The following ROBO2 variants were observed in gnomAD, a reference collection of about 807,000 sequenced individuals.
The protein encoded by ROBO2 is roundabout homolog 2.
ROBO2 carries 53 observed loss-of-function variants against 160.8 expected under a neutral mutation model. That is an observed-to-expected ratio of 0.33 (90% confidence interval 0.26 to 0.41). The LOEUF is 0.41. ROBO2 is among the 10% of genes least tolerant of loss of function. The pLI is 1.00. For synonymous variants in ROBO2, 664 were observed against 611.7 expected (o/e 1.09, Z -1.26); for missense variants, 1,577 against 1,722.4 (o/e 0.92, Z 1.49).
chr3:76,281,539 C>A (rs951383178), intron 2 of ROBO2, among the ~76,000 whole-genome samples: 1 of 151,776 alleles, frequency 6.6e-6, no homozygotes, highest in Non-Finnish European at 1.5e-5. Context: ...TTTCCTACCA[C>A]TATAGCCAGG....
At chr3:76,020,141 A>T (rs147012655) in intron 2 of ROBO2, among the ~76,000 whole-genome samples, 1 of 151,940 alleles carries the variant, frequency 6.6e-6, no homozygotes, top group Non-Finnish European at 1.5e-5. Context: ...TTTCCATTCT[A>T]TATGATGCTT....
intron 2 of ROBO2, among the ~76,000 whole-genome samples, chr3:77,369,517 T>G (rs1347189183): frequency 6.6e-6 from 1 of 152,188 alleles, no homozygotes; most frequent in Non-Finnish European, 1.5e-5. Flanking sequence ...AGGCCATAAC[T>G]GAGCACTTCT....
chr3:76,005,717 T>C (rs1253012383), intron 2 of ROBO2, among the ~76,000 whole-genome samples: 1 of 152,138 alleles, frequency 6.6e-6, no homozygotes, highest in Non-Finnish European at 1.5e-5. Flanking sequence ...GATCAATACT[T>C]GAACAATATA....
At chr3:76,655,681 G>T (rs567484129) in intron 2 of ROBO2, among the ~76,000 whole-genome samples, 2 of 148,402 alleles carry the variant, frequency 1.3e-5, no homozygotes, top group South Asian at 4.4e-4. Context: ...AAGAAAGAGA[G>T]GGGCAGGTAG....
At chr3:76,106,112 G>T (rs1366152514) in intron 2 of ROBO2, among the ~76,000 whole-genome samples, 3 of 152,046 alleles carry the variant, frequency 2.0e-5, no homozygotes, top group Admixed American at 2.0e-4. Flanking sequence ...TGAACTAAGT[G>T]GGCCCTGTTT....
chr3:76,118,096 A>C (rs2070555238), intron 2 of ROBO2, among the ~76,000 whole-genome samples: 4 of 152,146 alleles, frequency 2.6e-5, no homozygotes, highest in Admixed American at 2.6e-4. Context: ...ATACATATGT[A>C]ACAAACCTGC....
chr3:76,343,836 G>T (rs1000469323), intron 2 of ROBO2, among the ~76,000 whole-genome samples: 1 of 151,950 alleles, frequency 6.6e-6, no homozygotes, highest in Non-Finnish European at 1.5e-5. Context: ...AAAGATATTT[G>T]GTGAGGATTT....
intron 1 of ROBO2, among the ~76,000 whole-genome samples, chr3:77,084,697 G>A (rs951893819): frequency 2.6e-5 from 4 of 152,086 alleles, no homozygotes; most frequent in Admixed American, 1.3e-4. Context: ...AAGTAAATGG[G>A]CTGAGTGGAA....
chr3:76,585,525 A>C (rs1456667495), intron 2 of ROBO2, among the ~76,000 whole-genome samples: 2 of 152,166 alleles, frequency 1.3e-5, no homozygotes, highest in Non-Finnish European at 2.9e-5. Context: ...ATGGGGTTGA[A>C]TTTGTATTTC....
At chr3:77,194,682 A>G (rs930984672) in intron 2 of ROBO2, among the ~76,000 whole-genome samples, 1 of 152,168 alleles carries the variant, frequency 6.6e-6, no homozygotes, top group African/African-American at 2.4e-5. Flanking sequence ...GTGTTAGGTT[A>G]ACTGTGATTA....
intron 2 of ROBO2, among the ~76,000 whole-genome samples, chr3:76,600,264 C>A (rs1277703133): frequency 6.6e-6 from 1 of 152,294 alleles, no homozygotes; most frequent in Non-Finnish European, 1.5e-5. Flanking sequence ...CTGCATATGG[C>A]TAGCCAGTTA....
intron 2 of ROBO2, among the ~76,000 whole-genome samples, chr3:76,082,019 GT>G (rs2108032889): frequency 6.6e-6 from 1 of 152,106 alleles, no homozygotes; most frequent in South Asian, 2.1e-4. Context: ...GCCCCCAACC[GT>G]TAATCTCCTT....
At chr3:77,613,908 A>T (rs746746054) in intron 21 of ROBO2, among the ~76,000 whole-genome samples, 54 of 152,324 alleles carry the variant, frequency 3.5e-4, no homozygotes, top group Middle Eastern at 3.4e-3. Context: ...AAGATATGGG[A>T]TTTAGCCTGC....
intron 2 of ROBO2, among the ~76,000 whole-genome samples, chr3:77,194,299 C>G (rs1278733129): frequency 1.3e-5 from 2 of 152,140 alleles, no homozygotes; most frequent in East Asian, 3.9e-4. Flanking sequence ...TAATTAATGC[C>G]TAGTTGTCCT....
chr3:76,162,012 G>A (rs947904727), intron 2 of ROBO2, among the ~76,000 whole-genome samples: 3 of 152,160 alleles, frequency 2.0e-5, no homozygotes, highest in Admixed American at 6.5e-5. Flanking sequence ...GTAACATTAT[G>A]TACAATCTTT....
At chr3:76,279,469 A>C (rs747703077) in intron 2 of ROBO2, among the ~76,000 whole-genome samples, 11 of 151,932 alleles carry the variant, frequency 7.2e-5, no homozygotes, top group Non-Finnish European at 1.6e-4. Context: ...GCAAGCGAAA[A>C]GTTACATTTT....
intron 2 of ROBO2, among the ~76,000 whole-genome samples, chr3:76,280,179 A>G (rs1708156036): frequency 6.6e-6 from 1 of 152,002 alleles, no homozygotes; most frequent in African/African-American, 2.4e-5. Context: ...ATATGTATGA[A>G]CATGCTTACC....
At chr3:76,051,574 C>T (rs374044273) in intron 2 of ROBO2, among the ~76,000 whole-genome samples, 1 of 152,076 alleles carries the variant, frequency 6.6e-6, no homozygotes, top group African/African-American at 2.4e-5. Context: ...TCACAGAAAG[C>T]ATGTCTAGTT....
chr3:77,624,894 A>G (rs535125507), intron 23 of ROBO2, among the ~76,000 whole-genome samples: 1 of 152,246 alleles, frequency 6.6e-6, no homozygotes, highest in East Asian at 1.9e-4. Flanking sequence ...AGTCCCTGCA[A>G]CTCTGAAGCC....
Sources: allele counts gnomAD v4.1 joint callset (sites outside exome capture counted in the v4.1 genomes callset), GRCh38; gene constraint gnomAD v4.1.1; transcripts MANE v1.5; gene names NCBI Gene and HGNC (gene_info 2026-07-23, HGNC 2026-07-21).